The following SMAD6 variants were observed in gnomAD, a reference collection of about 807,000 sequenced individuals.
The protein encoded by SMAD6 is MAD homolog 6.
A neutral mutation model predicts 39.4 loss-of-function variants in SMAD6; 103 were observed. That is an observed-to-expected ratio of 2.62 (90% CI 2.23 to 3.08). SMAD6 has a LOEUF of 3.08. Ranked by LOEUF, SMAD6 falls within the 30% of genes most tolerant of loss-of-function variation. SMAD6 has a pLI of 0.00. For missense variants in SMAD6, 1,104 were observed against 742.9 expected (o/e 1.49, Z -5.65); for synonymous variants, 445 against 353.3 (o/e 1.26, Z -2.91).
chr15:66,727,248 G>A (rs771043147), intron 3 of SMAD6, among the ~76,000 whole-genome samples: 4 of 151,910 alleles, frequency 2.6e-5, no homozygotes, highest in East Asian at 1.9e-4. Flanking sequence ...GACTACAAGC[G>A]TGCGCCACCA....
intron 3 of SMAD6, among the ~76,000 whole-genome samples, chr15:66,738,611 T>G (rs751219989): frequency 6.6e-6 from 1 of 152,222 alleles, no homozygotes; most frequent in Non-Finnish European, 1.5e-5. Context: ...CCTCCTCACC[T>G]TACGTCACAT....
intron 3 of SMAD6, among the ~76,000 whole-genome samples, chr15:66,738,048 T>A (rs560256734): frequency 3.3e-5 from 5 of 152,332 alleles, no homozygotes; most frequent in African/African-American, 1.2e-4. Context: ...CAAGGACATT[T>A]ACATTGCTAT....
rs1222521576 is a variant in SMAD6, at chr15:66,744,101, C to T, written c.952+27603C>T. Among the ~76,000 whole-genome samples, 5 of 152,274 alleles carry T rather than the reference C, an allele frequency of 3.3e-5. No homozygotes were observed. In the South Asian group the frequency reaches 6.2e-4, roughly 19 times the overall value. ...CACACATTTAAGGTCAGAGTGCCCT[C>T]CGGAAAGGCTGTATCCGTTTTCTCT... is the stretch of plus-strand genomic sequence containing the variant. On this transcript the variant is annotated intron_variant, in intron 3 of 3. Coordinates refer to ENST00000288840, the MANE Select transcript of SMAD6 (RefSeq NM_005585.5).
chr15:66,739,737 C>T (rs1893779663), intron 3 of SMAD6, among the ~76,000 whole-genome samples: 1 of 152,188 alleles, frequency 6.6e-6, no homozygotes, highest in Admixed American at 6.5e-5. Context: ...AGGGAAATCC[C>T]ATAATCTGAC....
chr15:66,750,181 T>C (rs868523214), intron 3 of SMAD6, among the ~76,000 whole-genome samples: 4 of 152,162 alleles, frequency 2.6e-5, no homozygotes, highest in African/African-American at 9.7e-5. Context: ...AGCAGAGCAA[T>C]GTGACCTTGG....
At chr15:66,764,332 A>G (rs1044973418) in intron 3 of SMAD6, among the ~76,000 whole-genome samples, 1 of 151,760 alleles carries the variant, frequency 6.6e-6, no homozygotes, top group African/African-American at 2.4e-5. Context: ...TGCTTTCGGA[A>G]TTATTACAAA....
Position 66,781,734 on chromosome 15 carries a change from AATT to A in SMAD6, c.*203_*205del. Reference sequence around the variant, plus strand: ...AATTATGGAGTCATTTTTACAATGTAATTATTTATGTATGGTGCAATGTGTGTA... The same window carrying A: ...AATTATGGAGTCATTTTTACAATGTAATTTATGTATGGTGCAATGTGTGTA... On this transcript the variant is annotated 3_prime_UTR_variant, in exon 4 of 4. Transcript: ENST00000288840. 2.4e-6 allele frequency: 1 copy of A among 415,472 alleles called. No individual in the cohort carries two copies. The highest frequency in any genetic ancestry group is 4.2e-6 in the Non-Finnish European group (1 of 236,936). The allele number at this position is 415,472 out of a possible 1,614,324, so 25.7% of individuals were successfully genotyped here.
chr15:66,741,453 T>C (rs555009053), intron 3 of SMAD6, among the ~76,000 whole-genome samples: 1 of 152,340 alleles, frequency 6.6e-6, no homozygotes, highest in South Asian at 2.1e-4. Flanking sequence ...TTGGGTCCTT[T>C]TCCTGCTCCT....
intron 3 of SMAD6, among the ~76,000 whole-genome samples, chr15:66,751,583 T>C (rs900351356): frequency 9.9e-5 from 15 of 152,220 alleles, no homozygotes; most frequent in African/African-American, 3.6e-4. Context: ...TAGTCTACAC[T>C]GCTTTCCTGA....
chr15:66,757,990 CT>C (rs1894133202), intron 3 of SMAD6, among the ~76,000 whole-genome samples: 1 of 152,200 alleles, frequency 6.6e-6, no homozygotes, highest in Non-Finnish European at 1.5e-5. Flanking sequence ...TCTTGTTAGT[CT>C]GATGGAGTGG....
At position 66,711,987 on chromosome 15, in the gene SMAD6, G is replaced by T. The variant is rs151288470; in HGVS notation, c.874+263G>T. On this transcript the variant is annotated intron_variant, in intron 2 of 3. Coordinates refer to ENST00000288840, the MANE Select transcript of SMAD6 (RefSeq NM_005585.5). ...ACCTCTCTGTGACCTTTTTAAACAT[G>T]GGCCTGTCGAAGATGAATGGGTTTT... Among the ~76,000 whole-genome samples the T allele has an allele frequency of 3.3e-5, 5 of 152,290 alleles. No homozygotes were observed. The East Asian group carries it at 7.7e-4, about 24-fold the overall frequency.
At chr15:66,717,874 C>T (rs1412250416) in intron 3 of SMAD6, among the ~76,000 whole-genome samples, 1 of 152,162 alleles carries the variant, frequency 6.6e-6, no homozygotes, top group African/African-American at 2.4e-5. Context: ...TAATTTATTT[C>T]CCTCAAAGGC....
intron 3 of SMAD6, 89 bp from the exon 4 acceptor site, chr15:66,780,908 T>C (rs1894547113): frequency 7.6e-7 from 1 of 1,309,922 alleles, no homozygotes; most frequent in South Asian, 1.4e-5. Flanking sequence ...CAGCTCCCAC[T>C]GTGCAGACAG....
chr15:66,710,173 A>G (rs776099034), intron 1 of SMAD6, among the ~76,000 whole-genome samples: 3 of 152,208 alleles, frequency 2.0e-5, no homozygotes, highest in Non-Finnish European at 4.4e-5. Context: ...AAATGGGGAT[A>G]ATAATGTCAT....
At chr15:66,780,865 CCCA>C (rs902878144) in intron 3 of SMAD6, 129 bp from the exon 4 acceptor site, 7 of 813,106 alleles carry the variant, frequency 8.6e-6, no homozygotes, top group African/African-American at 1.7e-5. Context: ...GCACACGGTG[CCCA>C]CATGACTGCT....
intron 3 of SMAD6, among the ~76,000 whole-genome samples, chr15:66,742,982 G>A (rs62005647): frequency 4.6e-5 from 7 of 152,118 alleles, no homozygotes; most frequent in Non-Finnish European, 1.0e-4. Context: ...GCATGTGGTG[G>A]TGGTCCGTGC....
In SMAD6 at chr15:66,747,619, A is replaced by G. The variant is rs771992123; in HGVS notation, c.952+31121A>G. Among the ~76,000 whole-genome samples, 6 of 152,246 alleles carry G rather than the reference A, an allele frequency of 3.9e-5. No individual in the cohort carries two copies. Among genetic ancestry groups the G allele is most frequent in the Non-Finnish European group, 5.9e-5 (4 of 68,046 alleles). On this transcript the variant is annotated intron_variant, in intron 3 of 3. Transcript: ENST00000288840. This position sits in a 1 kb window ranked among gnomAD's most constrained non-coding sequence, Gnocchi z 4.5. ...TAATTCCCAGGTAGTTTTTAAGACT[A>G]GGTTAGCCTTCCTCGGACACTGACT... is the stretch of plus-strand genomic sequence containing the variant.
At chr15:66,709,953 T>C (rs1029131525) in intron 1 of SMAD6, among the ~76,000 whole-genome samples, 1 of 152,212 alleles carries the variant, frequency 6.6e-6, no homozygotes, top group African/African-American at 2.4e-5. Context: ...AACTTTACCA[T>C]TATCCTCATC....
At chr15:66,754,360 A>G (rs973490092) in intron 3 of SMAD6, among the ~76,000 whole-genome samples, 2 of 152,156 alleles carry the variant, frequency 1.3e-5, no homozygotes, top group Non-Finnish European at 2.9e-5. Flanking sequence ...TGCGGTATTC[A>G]GGGGTTCATA....
Sources: allele counts gnomAD v4.1 joint callset (sites outside exome capture counted in the v4.1 genomes callset), GRCh38; gene constraint gnomAD v4.1.1; non-coding constraint Gnocchi (gnomAD v3.1); transcripts MANE v1.5; gene names NCBI Gene and HGNC (gene_info 2026-07-23, HGNC 2026-07-21).